Variants in RBMS1 observed in about 807,000 individuals in gnomAD.
RBMS1 encodes RNA-binding motif, single-stranded-interacting protein 1.
A neutral mutation model predicts 62.3 loss-of-function variants in RBMS1; 17 were observed. That is an observed-to-expected ratio of 0.27 (90% CI 0.19 to 0.41). RBMS1 has a LOEUF of 0.41. RBMS1 is among the 10% of genes least tolerant of loss of function. The pLI is 1.00. For missense variants in RBMS1, 334 were observed against 504.5 expected, an observed-to-expected ratio of 0.66 and a Z score of 3.24; for synonymous variants, 172 against 170.0, an observed-to-expected ratio of 1.01 and a Z score of -0.09.
At chr2:160,394,754 T>G (rs950484493) in intron 1 of RBMS1, among the ~76,000 whole-genome samples, 20 of 152,208 alleles carry the variant, frequency 1.3e-4, no homozygotes, top group African/African-American at 2.4e-5. Flanking sequence ...CAATGATTTT[T>G]TAAAAAGATA....
chr2:160,354,395 G>A (rs1692682125), intron 2 of RBMS1, among the ~76,000 whole-genome samples: 1 of 152,022 alleles, frequency 6.6e-6, no homozygotes, highest in African/African-American at 2.4e-5. Context: ...GCTACACAGG[G>A]GCATTGAAAT....
At chr2:160,343,051 A>G (rs1265224298) in intron 2 of RBMS1, among the ~76,000 whole-genome samples, 1 of 152,196 alleles carries the variant, frequency 6.6e-6, no homozygotes, top group African/African-American at 2.4e-5. Context: ...TACTGATAAG[A>G]CAAACTGAGA....
chr2:160,446,691 G>A (rs1264572018), intron 1 of RBMS1, among the ~76,000 whole-genome samples: 1 of 152,150 alleles, frequency 6.6e-6, no homozygotes, highest in Non-Finnish European at 1.5e-5. Context: ...AATTATTTCT[G>A]TTTTAAACTA....
intron 11 of RBMS1, chr2:160,277,634 A>G: frequency 2.7e-6 from 1 of 364,208 alleles, no homozygotes; most frequent in Non-Finnish European, 5.0e-6. Flanking sequence ...AGATAAAAAA[A>G]GTTTATTATG....
At chr2:160,438,562 G>A (rs967702601) in intron 1 of RBMS1, among the ~76,000 whole-genome samples, 1 of 152,162 alleles carries the variant, frequency 6.6e-6, no homozygotes, top group Non-Finnish European at 1.5e-5. Context: ...GTTTCAGAGA[G>A]CACAGGATTG....
chr2:160,439,185 A>G (rs79156200), intron 1 of RBMS1, among the ~76,000 whole-genome samples: 75,082 of 147,312 alleles, frequency 0.51, 19,842 homozygotes, highest in Admixed American at 0.63. Flanking sequence ...GGCTGGCCGG[A>G]CGGGGGGCTG....
chr2:160,293,275 C>T lies in RBMS1; in HGVS notation c.641-6191G>A, dbSNP rs539639102. ...TTCCCTCTAAACATTATCTTTTCTG[C>T]TACCTGGCATAGGACAATGCCCTCA... On this transcript the variant is annotated intron_variant, in intron 6 of 13. Transcript: ENST00000348849. Among the ~76,000 whole-genome samples the T allele has an allele frequency of 2.6e-5, 4 of 152,286 alleles. No individual in the cohort carries two copies. In the South Asian group the frequency reaches 8.3e-4, roughly 32 times the overall value.
At chr2:160,282,028 GT>G in intron 9 of RBMS1, 1 of 334,560 alleles carries the variant, frequency 3.0e-6, no homozygotes, top group Admixed American at 3.9e-5. Flanking sequence ...TGAGAGTCAG[GT>G]TTTGTGGCAG....
At chr2:160,344,274 G>A (rs1692053880) in intron 2 of RBMS1, among the ~76,000 whole-genome samples, 1 of 152,112 alleles carries the variant, frequency 6.6e-6, no homozygotes, top group African/African-American at 2.4e-5. Flanking sequence ...GCAGCAACTG[G>A]GGGGAACAGC....
intron 1 of RBMS1, among the ~76,000 whole-genome samples, chr2:160,386,820 C>T (rs555584680): frequency 6.6e-6 from 1 of 152,298 alleles, no homozygotes; most frequent in East Asian, 1.9e-4. Context: ...GTTAGAGCGG[C>T]CTGAACTAAG....
intron 1 of RBMS1, among the ~76,000 whole-genome samples, chr2:160,374,748 G>A (rs1294189753): frequency 2.0e-5 from 3 of 152,106 alleles, no homozygotes; most frequent in African/African-American, 4.8e-5. Flanking sequence ...TGACCAATAT[G>A]GTGAAACCCT....
intron 3 of RBMS1, among the ~76,000 whole-genome samples, chr2:160,317,653 G>A (rs1403309810): frequency 6.6e-6 from 1 of 152,092 alleles, no homozygotes; most frequent in Non-Finnish European, 1.5e-5. Context: ...AGTGAAAATG[G>A]TTGTCTCCTC....
chr2:160,282,468 AGT>A (rs1688155201), intron 9 of RBMS1: 1 of 452,786 alleles, frequency 2.2e-6, no homozygotes, highest in Non-Finnish European at 4.3e-6. Context: ...CTCCAACATG[AGT>A]GCAGGGCCCT....
At chr2:160,282,204 C>T in intron 9 of RBMS1, 1 of 1,343,990 alleles carries the variant, frequency 7.4e-7, no homozygotes, top group South Asian at 1.1e-5. Context: ...TTCAGAGGTT[C>T]AACAGAGAGG....
At position 160,272,189 on chromosome 2, in the gene RBMS1, GAAAT is replaced by G. The variant is rs1338812050; in HGVS notation, c.*2579_*2582del. 7.2e-5 allele frequency: 11 copies of G among 152,052 alleles called. No homozygotes were observed. Among genetic ancestry groups the G allele is most frequent in the Non-Finnish European group, 1.3e-4 (9 of 68,000 alleles). The allele number at this position is 152,052 out of a possible 1,614,324, so 9.4% of individuals were successfully genotyped here. ...GTTTTTTATTCAAAGGTTCTCAAAA[GAAAT>G]AAAACAGAAAAGCTAACAATCTGAT... is the stretch of plus-strand genomic sequence containing the variant. On this transcript the variant is annotated 3_prime_UTR_variant, in exon 14 of 14. Transcript: ENST00000348849.
chr2:160,475,364 A>G (rs1685080814), intron 1 of RBMS1, among the ~76,000 whole-genome samples: 1 of 152,172 alleles, frequency 6.6e-6, no homozygotes, highest in Non-Finnish European at 1.5e-5. Flanking sequence ...AATTGGAGGC[A>G]CTGGCAGATC....
intron 1 of RBMS1, among the ~76,000 whole-genome samples, chr2:160,400,866 C>T (rs549266129): frequency 1.1e-4 from 17 of 152,212 alleles, no homozygotes; most frequent in Admixed American, 5.9e-4. Context: ...GACCACCCCT[C>T]AAAACTCAGG....
In RBMS1 at chr2:160,493,521, GTCCTCCTCCTCCTCCTCCTCT is replaced by G; in HGVS notation, c.-179_-159del. On this transcript the variant is annotated 5_prime_UTR_variant, in exon 1 of 14. Coordinates refer to ENST00000348849, the MANE Select transcript of RBMS1 (RefSeq NM_016836.4). ...CTCCACCTCCCAGCCGGGACCAGAC[GTCCTCCTCCTCCTCCTCCTCT>G]TCCTCCTCCTCCTCCTCCTCCTCCT... 3 of 621,538 alleles carry G rather than the reference GTCCTCCTCCTCCTCCTCCTCT, an allele frequency of 4.8e-6. No individual in the cohort carries two copies. Among genetic ancestry groups the G allele is most frequent in the African/African-American group, 3.9e-5 (2 of 51,608 alleles). The allele number at this position is 621,538 out of a possible 1,614,324, so 38.5% of individuals were successfully genotyped here. A position where few individuals can be genotyped will look rare whatever the true frequency, so the allele number is the denominator to read the frequency against.
intron 9 of RBMS1, chr2:160,281,933 G>A: frequency 5.3e-6 from 1 of 188,644 alleles, no homozygotes; most frequent in Non-Finnish European, 1.1e-5. Context: ...TCAGATTAAG[G>A]AAATTAAACT....
Sources: gnomAD v4.1 joint callset for allele counts (sites outside exome capture counted in the v4.1 genomes callset) on GRCh38, gnomAD v4.1.1 for gene constraint, MANE v1.5 for transcripts, NCBI Gene and HGNC (gene_info 2026-07-23, HGNC 2026-07-21) for gene names.